CSMD1: variants seen among roughly 807,000 people sequenced by gnomAD.
The protein encoded by CSMD1 is CUB and Sushi multiple domains 1.
A neutral mutation model predicts 417.5 loss-of-function variants in CSMD1; 213 were observed. That is an observed-to-expected ratio of 0.51 (90% CI 0.46 to 0.57). CSMD1 has a LOEUF of 0.57. Among genes scored for constraint, CSMD1 ranks in the 20% least tolerant of loss-of-function variants. The pLI is 0.00. For missense variants in CSMD1, 6,923 were observed against 4,529.7 expected (o/e 1.53, Z -15.17); for synonymous variants, 2,862 against 1,736.8 (o/e 1.65, Z -16.11).
intron 1 of CSMD1, among the ~76,000 whole-genome samples, chr8:4,946,385 T>C (rs1050928157): frequency 1.3e-5 from 2 of 152,164 alleles, no homozygotes; most frequent in Non-Finnish European, 2.9e-5. Flanking sequence ...CACCTAGTGA[T>C]GAAGGAACTA....
intron 52 of CSMD1, among the ~76,000 whole-genome samples, chr8:3,004,410 C>A (rs1585130480): frequency 6.6e-6 from 1 of 152,074 alleles, no homozygotes; most frequent in Admixed American, 6.5e-5. Flanking sequence ...GGAAGGAAAA[C>A]CTTGGCAAGA....
intron 25 of CSMD1, 51 bp downstream of exon 25, chr8:3,307,644 A>G: frequency 1.3e-6 from 2 of 1,572,966 alleles, no homozygotes; most frequent in Non-Finnish European, 1.7e-6. Flanking sequence ...CTACAAGAAT[A>G]GAAGGCATAT....
intron 20 of CSMD1, among the ~76,000 whole-genome samples, chr8:3,360,951 C>T (rs933355623): frequency 2.0e-5 from 3 of 151,566 alleles, no homozygotes; most frequent in Non-Finnish European, 2.9e-5. Flanking sequence ...AACTCTGTAC[C>T]TAAACACTTC....
chr8:4,072,761 CT>C (rs1337163689), intron 3 of CSMD1, among the ~76,000 whole-genome samples: 5 of 152,128 alleles, frequency 3.3e-5, no homozygotes. Flanking sequence ...TCTGCAATTC[CT>C]TCACATGGAG....
intron 50 of CSMD1, among the ~76,000 whole-genome samples, chr8:3,032,862 C>T (rs932640320): frequency 2.0e-5 from 3 of 152,030 alleles, no homozygotes; most frequent in Non-Finnish European, 2.9e-5. Context: ...ACACTGATCT[C>T]TTTATATACC....
chr8:3,981,107 T>C (rs1813825814), intron 5 of CSMD1, among the ~76,000 whole-genome samples: 1 of 152,326 alleles, frequency 6.6e-6, no homozygotes, highest in African/African-American at 2.4e-5. Flanking sequence ...GCATAATGCA[T>C]GCTGAAATGT....
intron 1 of CSMD1, among the ~76,000 whole-genome samples, chr8:4,667,205 A>T (rs1158548891): frequency 6.6e-6 from 1 of 152,124 alleles, no homozygotes; most frequent in African/African-American, 2.4e-5. Flanking sequence ...TCCATAGATT[A>T]TATCTATCTA....
intron 10 of CSMD1, among the ~76,000 whole-genome samples, chr8:3,543,764 G>C (rs537485576): frequency 6.6e-6 from 1 of 152,308 alleles, no homozygotes; most frequent in South Asian, 2.1e-4. Context: ...ACTTAGTGGA[G>C]ATGTCATGTG....
In CSMD1 at chr8:3,266,151, C is replaced by T. The variant is rs186388727; in HGVS notation, c.4153+17993G>A. Among the ~76,000 whole-genome samples the T allele has an allele frequency of 1.2e-4, 18 of 150,948 alleles. No homozygotes were observed. In the East Asian group the frequency reaches 1.6e-3, roughly 13 times the overall value. On this transcript the variant is annotated intron_variant, in intron 26 of 69. Transcript: ENST00000635120. ...GAAAGCAGACCTGATGTCCTGAGAC[C>T]AACCCTCCAGGACACCTGCCTCTCA...
rs570744640 is a variant in CSMD1, at chr8:4,140,679, A to C, written c.416-108580T>G. Among the ~76,000 whole-genome samples, 240 of 150,944 alleles carry C rather than the reference A, an allele frequency of 1.6e-3. 14 individuals are homozygous for C. The highest frequency in any genetic ancestry group is 5.6e-3 in the African/African-American group (227 of 40,298). On this transcript the variant is annotated intron_variant, in intron 3 of 69. Transcript: ENST00000635120. ...CAAGACCCTGTCTCAATTAAAAATA[A>C]TAATAATAGAGTAGAAAACCCATGG...
chr8:3,019,247 A>C (rs1450969227), intron 51 of CSMD1, among the ~76,000 whole-genome samples: 1 of 151,676 alleles, frequency 6.6e-6, no homozygotes, highest in South Asian at 2.1e-4. Context: ...TACCATCCTG[A>C]CAGGTATAGC....
At position 4,222,626 on chromosome 8, in the gene CSMD1, G is replaced by A. The variant is rs147783577; in HGVS notation, c.416-190527C>T. 5.9e-5 allele frequency among the ~76,000 whole-genome samples: 9 copies of A among 152,320 alleles called. No homozygotes were observed. The East Asian group carries it at 1.4e-3, about 23-fold the overall frequency. The stretch of plus-strand genomic sequence containing the variant: ...TGGCTGCTCCCACAAATCAAGAACT[G>A]TCATTTAAATTTCTGAATCAATGTG... On this transcript the variant is annotated intron_variant, in intron 3 of 69. Coordinates refer to ENST00000635120, the MANE Select transcript of CSMD1 (RefSeq NM_033225.6).
chr8:4,123,201 G>A (rs7463759), intron 3 of CSMD1, among the ~76,000 whole-genome samples: 1 of 152,206 alleles, frequency 6.6e-6, no homozygotes, highest in Non-Finnish European at 1.5e-5. Flanking sequence ...GGAAGGGTTA[G>A]GAATTCCTTA....
chr8:4,596,878 C>G (rs1273789798), intron 2 of CSMD1, among the ~76,000 whole-genome samples: 1 of 152,148 alleles, frequency 6.6e-6, no homozygotes, highest in African/African-American at 2.4e-5. Flanking sequence ...CCATGCTATT[C>G]TTCTGATAGC....
intron 7 of CSMD1, among the ~76,000 whole-genome samples, chr8:3,651,293 C>T (rs1364609662): frequency 6.6e-6 from 1 of 152,136 alleles, no homozygotes; most frequent in East Asian, 1.9e-4. Flanking sequence ...TGAGTAAAAG[C>T]CCAAATCCTT....
At chr8:4,617,532 G>A (rs1352208733) in intron 2 of CSMD1, among the ~76,000 whole-genome samples, 1 of 152,060 alleles carries the variant, frequency 6.6e-6, no homozygotes, top group African/African-American at 2.4e-5. Flanking sequence ...GTTTCTGTCT[G>A]GATTTGGCTT....
At chr8:3,762,905 A>T (rs1363926224) in intron 5 of CSMD1, among the ~76,000 whole-genome samples, 2 of 152,264 alleles carry the variant, frequency 1.3e-5, no homozygotes, top group Middle Eastern at 3.4e-3. Context: ...ACTGAATAAA[A>T]TCAACTTTCA....
intron 3 of CSMD1, among the ~76,000 whole-genome samples, chr8:4,067,462 C>A (rs1255635548): frequency 6.8e-6 from 1 of 147,516 alleles, no homozygotes; most frequent in Non-Finnish European, 1.5e-5. Context: ...TATATCAGTT[C>A]TTTTCACATG....
chr8:3,036,126 C>T (rs932770960), intron 50 of CSMD1, among the ~76,000 whole-genome samples: 2 of 152,162 alleles, frequency 1.3e-5, no homozygotes, highest in South Asian at 4.1e-4. Context: ...TCAGCAACAA[C>T]ACAAAATACT....
Sources: gnomAD v4.1 joint callset for allele counts (sites outside exome capture counted in the v4.1 genomes callset) on GRCh38, gnomAD v4.1.1 for gene constraint, MANE v1.5 for transcripts, NCBI Gene and HGNC (gene_info 2026-07-23, HGNC 2026-07-21) for gene names.